Variants in NFASC observed in about 807,000 individuals in gnomAD.
NFASC encodes neurofascin homolog.
A neutral mutation model predicts 147.5 loss-of-function variants in NFASC; 43 were observed. The observed-to-expected ratio is 0.29, with a 90% CI of 0.23 to 0.38. The LOEUF is 0.38. Among genes scored for constraint, NFASC ranks in the 10% least tolerant of loss-of-function variants. The pLI is 1.00. For synonymous variants in NFASC, 622 were observed against 665.5 expected, an observed-to-expected ratio of 0.93 and a Z score of 1.01; for missense variants, 1,320 against 1,689.0, an observed-to-expected ratio of 0.78 and a Z score of 3.83.
chr1:204,924,524 G>C lies in NFASC; in HGVS notation c.-91+3784G>C, dbSNP rs77547905. Among the ~76,000 whole-genome samples, 1,452 of 152,314 alleles carry C rather than the reference G, an allele frequency of 9.5e-3. 24 individuals are homozygous for C. The highest frequency in any genetic ancestry group is 0.033 in the African/African-American group (1,388 of 41,560). ...CTGTTTGGTGGATGTCAGAGCTGGTGGGACATTGGTGGAAGAAGCTGGGGT... is the reference window on the plus strand; with the variant it reads ...CTGTTTGGTGGATGTCAGAGCTGGTCGGACATTGGTGGAAGAAGCTGGGGT... On this transcript the variant is annotated intron_variant, in intron 2 of 29. Transcript: ENST00000339876.
chr1:204,948,257 G>T (rs934846788), intron 3 of NFASC, among the ~76,000 whole-genome samples: 1 of 152,230 alleles, frequency 6.6e-6, no homozygotes, highest in Non-Finnish European at 1.5e-5. Flanking sequence ...TGGGAGCTTG[G>T]TCACCCTCAT....
intron 14 of NFASC, 50 bp downstream of exon 14, chr1:204,974,873 A>T (rs1436698142): frequency 1.9e-6 from 3 of 1,562,028 alleles, no homozygotes; most frequent in Non-Finnish European, 2.6e-6. Flanking sequence ...CAAGGAGGCC[A>T]TGCTGGCAGT....
At chr1:204,843,186 G>A (rs76297886) in intron 1 of NFASC, among the ~76,000 whole-genome samples, 4,009 of 152,270 alleles carry the variant, frequency 0.026, 138 homozygotes, top group African/African-American at 0.079. Context: ...ATCATCCAGG[G>A]CCTACCCAGA....
chr1:204,861,479 T>A (rs1010614561), intron 1 of NFASC, among the ~76,000 whole-genome samples: 37 of 152,262 alleles, frequency 2.4e-4, no homozygotes, highest in African/African-American at 8.9e-4. Flanking sequence ...ATTGAGGAAC[T>A]GCCAGACTCA....
At chr1:204,839,039 C>T (rs1362728316) in intron 1 of NFASC, among the ~76,000 whole-genome samples, 1 of 152,220 alleles carries the variant, frequency 6.6e-6, no homozygotes, top group African/African-American at 2.4e-5. Context: ...TCCTGTGTCT[C>T]TGTTCTTAGG....
intron 1 of NFASC, among the ~76,000 whole-genome samples, chr1:204,914,283 A>G (rs12562359): frequency 0.21 from 32,476 of 152,124 alleles, 3,903 homozygotes; most frequent in East Asian, 0.43. Flanking sequence ...CCCCATATGT[A>G]GTGGGAGGGA....
At chr1:204,930,511 A>G (rs1174680154) in intron 2 of NFASC, among the ~76,000 whole-genome samples, 1 of 152,176 alleles carries the variant, frequency 6.6e-6, no homozygotes, top group African/African-American at 2.4e-5. Context: ...CACTCATCCC[A>G]CGTGTGTTTA....
intron 1 of NFASC, among the ~76,000 whole-genome samples, chr1:204,852,797 C>A (rs1321933493): frequency 6.6e-6 from 1 of 152,234 alleles, no homozygotes; most frequent in Non-Finnish European, 1.5e-5. Flanking sequence ...CACCATGGAG[C>A]TCTCACCAGC....
In NFASC at chr1:204,839,626, C is replaced by G. The variant is rs553824918; in HGVS notation, c.-200+10844C>G. Among the ~76,000 whole-genome samples the G allele has an allele frequency of 4.6e-3, 693 of 152,298 alleles. 3 individuals carry two copies. The highest frequency in any genetic ancestry group is 8.3e-3 in the Non-Finnish European group (565 of 68,018). ...TATGGTTGGTCAGGCAGCTTGCTCT[C>G]TCACTGGGCTGTACCGAGGTAGGGC... On this transcript the variant is annotated intron_variant, in intron 1 of 29. Transcript: ENST00000339876.
At chr1:204,889,129 G>A (rs1263562194) in intron 1 of NFASC, among the ~76,000 whole-genome samples, 1 of 152,174 alleles carries the variant, frequency 6.6e-6, no homozygotes, top group Non-Finnish European at 1.5e-5. Flanking sequence ...GCACAACCTC[G>A]AATTTCTCTT....
At chr1:204,877,013 TATATATATATATATA>T (rs2078981458) in intron 1 of NFASC, among the ~76,000 whole-genome samples, 1 of 111,370 alleles carries the variant, frequency 9.0e-6, no homozygotes, top group Non-Finnish European at 1.6e-5. Context: ...TATATATATA[TATATATATATATATA>T]ATATATATTT....
intron 23 of NFASC, chr1:204,990,684 G>A (rs2095711243): frequency 6.6e-6 from 1 of 152,536 alleles, no homozygotes; most frequent in Non-Finnish European, 1.5e-5. Flanking sequence ...ACCAGGAGAG[G>A]GGCTCCAGGC....
chr1:204,862,280 G>A (rs977283726), intron 1 of NFASC, among the ~76,000 whole-genome samples: 6 of 152,186 alleles, frequency 3.9e-5, no homozygotes, highest in Non-Finnish European at 8.8e-5. Context: ...TCACCATGGG[G>A]TCCCATCAAA....
intron 28 of NFASC, among the ~76,000 whole-genome samples, chr1:205,011,197 C>T (rs1464019894): frequency 1.6e-5 from 2 of 123,072 alleles, no homozygotes; most frequent in Non-Finnish European, 3.5e-5. Context: ...AGAACAGGTC[C>T]TCCCCCAGGA....
intron 1 of NFASC, among the ~76,000 whole-genome samples, chr1:204,886,911 C>T (rs11240305): frequency 0.24 from 35,726 of 151,928 alleles, 6,799 homozygotes; most frequent in East Asian, 0.68. Context: ...TCCTTTTTAG[C>T]ACAACTGTGT....
At chr1:204,870,949 A>G (rs1304742026) in intron 1 of NFASC, 1 of 1,274,336 alleles carries the variant, frequency 7.8e-7, no homozygotes, top group Non-Finnish European at 1.0e-6. Flanking sequence ...GCTCAGGCCT[A>G]AGTCTGCCAG....
At chr1:204,950,352 G>A (rs1384102351) in intron 3 of NFASC, among the ~76,000 whole-genome samples, 1 of 152,166 alleles carries the variant, frequency 6.6e-6, no homozygotes, top group Admixed American at 6.5e-5. Flanking sequence ...TCTCCATAAG[G>A]CACTCACTGG....
intron 2 of NFASC, among the ~76,000 whole-genome samples, chr1:204,935,495 C>A (rs879395897): frequency 6.6e-6 from 1 of 152,166 alleles, no homozygotes; most frequent in Non-Finnish European, 1.5e-5. Context: ...GGAACGTATT[C>A]AGCTTTCCTG....
intron 17 of NFASC, among the ~76,000 whole-genome samples, chr1:204,978,144 A>G (rs987979703): frequency 6.6e-6 from 1 of 152,220 alleles, no homozygotes; most frequent in African/African-American, 2.4e-5. Flanking sequence ...CATGCCACAC[A>G]TACGTGAACG....
Sources: allele counts gnomAD v4.1 joint callset (sites outside exome capture counted in the v4.1 genomes callset), GRCh38; gene constraint gnomAD v4.1.1; transcripts MANE v1.5; gene names NCBI Gene and HGNC (gene_info 2026-07-23, HGNC 2026-07-21).